SYDE2: variants seen among roughly 807,000 people sequenced by gnomAD.
SYDE2 encodes rho GTPase-activating protein SYDE2.
A neutral mutation model predicts 91.5 loss-of-function variants in SYDE2; 76 were observed. The ratio of observed to expected loss-of-function variants is 0.83; its 90% CI spans 0.69 to 1.01. The LOEUF (loss-of-function observed/expected upper bound fraction) is 1.01, where lower values mean the gene tolerates loss of function less well. Ranked by LOEUF, SYDE2 falls within the 50% of genes least tolerant of loss-of-function variation. SYDE2 has a pLI of 0.00. For missense variants in SYDE2, 1,364 were observed against 1,367.7 expected (o/e 1.00, Z 0.04); for synonymous variants, 513 against 506.4 (o/e 1.01, Z -0.18).
At chr1:85,181,964 G>T in intron 3 of SYDE2, 134 bp downstream of exon 3, 1 of 973,180 alleles carries the variant, frequency 1.0e-6, no homozygotes, top group Non-Finnish European at 1.5e-6. Context: ...AAACAGTAAT[G>T]GAATAAAAAT....
At position 85,190,190 on chromosome 1, in the gene SYDE2, C is replaced by T. The variant is rs77628096; in HGVS notation, c.1308G>A (p.Arg436=). 1.2e-3 allele frequency: 1,920 copies of T among 1,613,982 alleles called. 45 individuals are homozygous for T. The East Asian group carries it at 0.036, about 30-fold the overall frequency. Reference sequence around the variant, plus strand: ...GATGTATAGGATTCATTCCATTTGACCGTGTGGTCTGAATATCACCTGCAT... The same window carrying T: ...GATGTATAGGATTCATTCCATTTGATCGTGTGGTCTGAATATCACCTGCAT... ...SEHAGDIQTT[R]SNGMNPIHPA... is the part of the protein sequence containing the mutation. The change falls in exon 2 of 7, where the codon CGG becomes CGA. Residue 436 remains arginine (R), a synonymous_variant. Transcript: ENST00000341460.
chr1:85,170,118 T>TC (rs1446205532), intron 4 of SYDE2, among the ~76,000 whole-genome samples: 3 of 150,246 alleles, frequency 2.0e-5, no homozygotes, highest in Admixed American at 2.0e-4. Context: ...CCATCTCTTT[T>TC]TTTTTTTTTT....
intron 1 of SYDE2, chr1:85,194,736 G>A: frequency 1.3e-6 from 1 of 795,554 alleles, no homozygotes; most frequent in Non-Finnish European, 1.5e-6. Flanking sequence ...AACTACCCAA[G>A]TCAATTCTGT....
chr1:85,162,603 G>A (rs1657103254), intron 6 of SYDE2, among the ~76,000 whole-genome samples: 1 of 152,204 alleles, frequency 6.6e-6, no homozygotes, highest in Admixed American at 6.5e-5. Flanking sequence ...CTGTACACTA[G>A]GAATAGTTGT....
chr1:85,195,109 G>A lies in SYDE2; in HGVS notation c.746-4357C>T, dbSNP rs192148139. Among the ~76,000 whole-genome samples, 736 of 151,210 alleles carry A rather than the reference G, an allele frequency of 4.9e-3. 2 individuals carry two copies. The highest frequency in any genetic ancestry group is 0.031 in the Middle Eastern group (9 of 294). On this transcript the variant is annotated intron_variant, in intron 1 of 6. Transcript: ENST00000341460. ...CGCGAGGCAGAGCTTGCATTGAGCCGAGATCACGCCACTGCACTCCAGGCT... is the reference window on the plus strand; with the variant it reads ...CGCGAGGCAGAGCTTGCATTGAGCCAAGATCACGCCACTGCACTCCAGGCT...
At chr1:85,166,832 A>G (rs1657295976) in intron 5 of SYDE2, among the ~76,000 whole-genome samples, 1 of 152,226 alleles carries the variant, frequency 6.6e-6, no homozygotes, top group African/African-American at 2.4e-5. Context: ...ATATATGTTC[A>G]ATCTCAATAG....
At chr1:85,183,958 C>T (rs939018992) in intron 2 of SYDE2, among the ~76,000 whole-genome samples, 2 of 152,120 alleles carry the variant, frequency 1.3e-5, no homozygotes, top group African/African-American at 4.8e-5. Context: ...AAATACTGTA[C>T]ATGATAGCAA....
intron 4 of SYDE2, among the ~76,000 whole-genome samples, chr1:85,171,030 GTATC>G (rs1419766188): frequency 6.6e-6 from 1 of 152,236 alleles, no homozygotes; most frequent in African/African-American, 2.4e-5. Context: ...TGGAACTTGA[GTATC>G]TAGGTGGATA....
chr1:85,158,714 G>T lies in SYDE2; in HGVS notation c.*36C>A. 1 of 670,826 alleles carries T rather than the reference G, an allele frequency of 1.5e-6. No individual in the cohort carries two copies. Among genetic ancestry groups the T allele is most frequent in the South Asian group, 1.7e-5 (1 of 58,228 alleles). The allele number at this position is 670,826 out of a possible 1,614,324, so 41.6% of individuals were successfully genotyped here. A position where few individuals can be genotyped will look rare whatever the true frequency, so the allele number is the denominator to read the frequency against. Reference sequence around the variant, plus strand: ...AAGAAAATAAAACAAAAACAGATTTGAAACTTTAAGACATTACAAAAAAAA... The same window carrying T: ...AAGAAAATAAAACAAAAACAGATTTTAAACTTTAAGACATTACAAAAAAAA... On this transcript the variant is annotated 3_prime_UTR_variant, in exon 7 of 7. Coordinates refer to ENST00000341460, the MANE Select transcript of SYDE2 (RefSeq NM_032184.2).
At chr1:85,152,592 C>G (rs1020272684), downstream of SYDE2, 3 of 152,138 alleles carry the variant, frequency 2.0e-5, no homozygotes, top group African/African-American at 7.2e-5. Flanking sequence ...AAAAGACAAC[C>G]ATTCTCAAGT....
chr1:85,170,349 C>T (rs562838702), intron 4 of SYDE2, among the ~76,000 whole-genome samples: 1 of 152,118 alleles, frequency 6.6e-6, no homozygotes. Context: ...ATCCTCCCAC[C>T]TTATTCTCCC....
intron 6 of SYDE2, 85 bp from the exon 7 acceptor site, chr1:85,159,334 T>C (rs1374297946): frequency 4.3e-6 from 3 of 702,954 alleles, no homozygotes; most frequent in Non-Finnish European, 7.6e-6. Flanking sequence ...AGCCATTTAA[T>C]CATCAACTAC....
intron 6 of SYDE2, among the ~76,000 whole-genome samples, chr1:85,163,764 T>G (rs912364955): frequency 6.6e-6 from 1 of 151,922 alleles, no homozygotes; most frequent in Non-Finnish European, 1.5e-5. Context: ...TCCCATGCAG[T>G]GTGGGGTGAG....
intron 1 of SYDE2, among the ~76,000 whole-genome samples, chr1:85,196,401 A>G (rs181324212): frequency 6.6e-6 from 1 of 152,320 alleles, no homozygotes; most frequent in East Asian, 1.9e-4. Flanking sequence ...AAGTTTGAAA[A>G]GCACTGCTCT....
intron 6 of SYDE2, among the ~76,000 whole-genome samples, chr1:85,164,147 T>C (rs817417): frequency 0.23 from 34,619 of 152,110 alleles, 4,866 homozygotes; most frequent in African/African-American, 0.39. Flanking sequence ...ACTGAGCACA[T>C]TACATACACA....
intron 4 of SYDE2, among the ~76,000 whole-genome samples, chr1:85,173,870 A>G (rs1256856745): frequency 1.3e-5 from 2 of 152,232 alleles, no homozygotes; most frequent in African/African-American, 4.8e-5. Context: ...ATAAAGACTG[A>G]ACATATTAAG....
chr1:85,152,622 T>A (rs946259226), downstream of SYDE2: 2 of 152,242 alleles, frequency 1.3e-5, no homozygotes, highest in Non-Finnish European at 2.9e-5. Context: ...CAGTTATTCA[T>A]TGATTAACAA....
intron 1 of SYDE2, 26 bp downstream of exon 1, chr1:85,200,226 A>G (rs550966498): frequency 2.5e-6 from 4 of 1,613,688 alleles, no homozygotes; most frequent in Non-Finnish European, 3.4e-6. Flanking sequence ...TCGCGGTGCT[A>G]GCATTTTCAT....
chr1:85,159,079 T>G lies in SYDE2; in HGVS notation c.3256A>C (p.Asn1086His), dbSNP rs746991988. 1.3e-6 allele frequency: 1 copy of G among 780,900 alleles called. No homozygotes were observed. The highest frequency in any genetic ancestry group is 2.4e-6 in the Non-Finnish European group (1 of 417,966). The allele number at this position is 780,900 out of a possible 1,614,324, so 48.4% of individuals were successfully genotyped here. The change falls in exon 7 of 7, where the codon AAT becomes CAT. Residue 1086 changes from asparagine (N) to histidine (H), a missense_variant. By Grantham distance (68) the Asn-to-His change is moderately conservative (BLOSUM62 1). Coordinates refer to ENST00000341460, the MANE Select transcript of SYDE2 (RefSeq NM_032184.2). ...RQNRLDSPLSNRYAGDWSSCG... is the reference protein window; with the variant it reads ...RQNRLDSPLSHRYAGDWSSCG... ...CTGCTCCAGTCTCCTGCATAACGAT[T>G]GCTAAGTGGACTGTCTAATCGGTTT...
Sources: allele counts gnomAD v4.1 joint callset (sites outside exome capture counted in the v4.1 genomes callset), GRCh38; gene constraint gnomAD v4.1.1; transcripts MANE v1.5; gene names NCBI Gene and HGNC (gene_info 2026-07-23, HGNC 2026-07-21).